Variants in MCC observed in about 807,000 individuals in gnomAD.
The protein encoded by MCC is MCC regulator of Wnt signaling pathway, also known as colorectal mutant cancer protein.
Under a neutral mutation model 116.2 loss-of-function variants are expected in MCC, and 90 were observed. The observed-to-expected ratio is 0.77, with a 90% CI of 0.65 to 0.92. The LOEUF (loss-of-function observed/expected upper bound fraction) is 0.92. Among genes scored for constraint, MCC ranks in the 40% least tolerant of loss-of-function variants. The pLI is 0.00. For missense variants in MCC, 1,516 were observed against 1,312.2 expected (o/e 1.16, Z -2.40); for synonymous variants, 578 against 510.5 (o/e 1.13, Z -1.78).
At chr5:113,336,750 G>A (rs893717179) in intron 3 of MCC, among the ~76,000 whole-genome samples, 3 of 152,258 alleles carry the variant, frequency 2.0e-5, no homozygotes, top group African/African-American at 2.4e-5. Context: ...TTGCTACTTC[G>A]ATAAAACCAT....
intron 8 of MCC, among the ~76,000 whole-genome samples, chr5:113,100,855 C>T (rs1167137270): frequency 6.6e-6 from 1 of 152,058 alleles, no homozygotes; most frequent in Non-Finnish European, 1.5e-5. Flanking sequence ...TCTAATATTG[C>T]CAAGACCAAG....
chr5:113,366,016 A>G (rs537956790), intron 2 of MCC, among the ~76,000 whole-genome samples: 2 of 152,328 alleles, frequency 1.3e-5, no homozygotes, highest in African/African-American at 4.8e-5. Context: ...TGATGGTGAC[A>G]TAGATCCAAA....
intron 3 of MCC, among the ~76,000 whole-genome samples, chr5:113,290,791 G>C (rs1258148566): frequency 6.6e-6 from 1 of 152,164 alleles, no homozygotes; most frequent in African/African-American, 2.4e-5. Context: ...ATGGGGGAGA[G>C]AGGTTGAATT....
At chr5:113,028,213 G>A (rs572371953) in intron 18 of MCC, among the ~76,000 whole-genome samples, 18 of 152,308 alleles carry the variant, frequency 1.2e-4, no homozygotes, top group African/African-American at 4.1e-4. Context: ...TATAGAGCTG[G>A]ATGATGCCAG....
chr5:113,177,112 T>C (rs755234228), intron 3 of MCC, among the ~76,000 whole-genome samples: 1 of 152,146 alleles, frequency 6.6e-6, no homozygotes, highest in Non-Finnish European at 1.5e-5. Context: ...CCACACCATC[T>C]TCAGGTGGCC....
intron 3 of MCC, among the ~76,000 whole-genome samples, chr5:113,185,067 C>G (rs1034759095): frequency 1.3e-5 from 2 of 152,198 alleles, no homozygotes; most frequent in African/African-American, 4.8e-5. Context: ...TGAACAACCA[C>G]ACCACGTTAG....
chr5:113,089,050 C>T (rs181795376), intron 8 of MCC, among the ~76,000 whole-genome samples: 13 of 152,296 alleles, frequency 8.5e-5, no homozygotes, highest in South Asian at 2.1e-4. Flanking sequence ...CTGACACTTG[C>T]GGGAACATCA....
At chr5:113,160,958 C>A (rs898786675) in intron 3 of MCC, among the ~76,000 whole-genome samples, 6 of 152,116 alleles carry the variant, frequency 3.9e-5, no homozygotes, top group African/African-American at 1.4e-4. Context: ...AAGGTTATTA[C>A]CTTCAACTGA....
intron 2 of MCC, among the ~76,000 whole-genome samples, chr5:113,356,864 C>G (rs1768427264): frequency 6.6e-6 from 1 of 152,198 alleles, no homozygotes; most frequent in South Asian, 2.1e-4. Context: ...CACTAAGGAC[C>G]AGATACTGTA....
chr5:113,105,072 G>C (rs1756651745), intron 6 of MCC, among the ~76,000 whole-genome samples: 1 of 152,226 alleles, frequency 6.6e-6, no homozygotes, highest in African/African-American at 2.4e-5. Flanking sequence ...TATCTTAGAA[G>C]ACAATTTTGT....
In MCC at chr5:113,110,852, G is replaced by T. The variant is rs538862898; in HGVS notation, c.1028-6497C>A. ...GTTAACTGTCAACATTTTAAAAATT[G>T]TTAAAATTTATGGCTATCCTTGTAA... On this transcript the variant is annotated intron_variant, in intron 6 of 18. Coordinates refer to ENST00000408903, the MANE Select transcript of MCC (RefSeq NM_001085377.2). 2.1e-4 allele frequency among the ~76,000 whole-genome samples: 32 copies of T among 152,246 alleles called. 1 individual carries two copies. Among genetic ancestry groups the T allele is most frequent in the Admixed American group, 2.6e-4 (4 of 15,290 alleles).
chr5:113,216,768 G>A (rs1259310552), intron 3 of MCC, among the ~76,000 whole-genome samples: 2 of 152,146 alleles, frequency 1.3e-5, no homozygotes, highest in African/African-American at 4.8e-5. Flanking sequence ...TAGAAACCCC[G>A]AATAGGGGAT....
chr5:113,237,513 G>A (rs955728067), intron 3 of MCC, among the ~76,000 whole-genome samples: 1 of 152,128 alleles, frequency 6.6e-6, no homozygotes, highest in African/African-American at 2.4e-5. Flanking sequence ...GTGCCTCTGG[G>A]ATTAGAAGGT....
chr5:113,272,334 A>T (rs1422690780), intron 3 of MCC, among the ~76,000 whole-genome samples: 1 of 152,194 alleles, frequency 6.6e-6, no homozygotes, highest in East Asian at 1.9e-4. Flanking sequence ...TGATTTTCAA[A>T]TACCACTCAT....
chr5:113,294,889 C>T lies in MCC; in HGVS notation c.627+45630G>A, dbSNP rs375480930. The T allele has an allele frequency of 1.2e-5, 12 of 985,390 alleles. No individual in the cohort carries two copies. The South Asian group carries it at 5.6e-4, about 46-fold the overall frequency. The allele number at this position is 985,390 out of a possible 1,614,324, so 61.0% of individuals were successfully genotyped here. On this transcript the variant is annotated intron_variant, in intron 3 of 18. Transcript: ENST00000408903. ...GAAAGAAAGCTAGAGGGAGCCGGAGCGGAGCTGCACTTCACGCCGAAGTTT... is the reference window on the plus strand; with the variant it reads ...GAAAGAAAGCTAGAGGGAGCCGGAGTGGAGCTGCACTTCACGCCGAAGTTT...
intron 1 of MCC, among the ~76,000 whole-genome samples, chr5:113,462,914 C>A (rs985378979): frequency 6.6e-6 from 1 of 152,088 alleles, no homozygotes; most frequent in Non-Finnish European, 1.5e-5. Flanking sequence ...AAGATATTAA[C>A]CAACAATTCC....
intron 1 of MCC, among the ~76,000 whole-genome samples, chr5:113,459,761 T>C: frequency 6.6e-6 from 1 of 151,008 alleles, no homozygotes; most frequent in East Asian, 1.9e-4. Context: ...GGCAGACAAA[T>C]GCTTCAAATA....
At chr5:113,276,099 G>C (rs1441749372) in intron 3 of MCC, among the ~76,000 whole-genome samples, 5 of 151,906 alleles carry the variant, frequency 3.3e-5, no homozygotes, top group Non-Finnish European at 7.4e-5. Context: ...GCCCCAAAGG[G>C]TAACCAGTGT....
intron 5 of MCC, among the ~76,000 whole-genome samples, chr5:113,140,832 T>TA (rs542521009): frequency 6.4e-4 from 98 of 152,340 alleles, no homozygotes; most frequent in South Asian, 6.2e-3. Flanking sequence ...CTAGGGCAGT[T>TA]AGAGTTCATC....
Sources: allele counts gnomAD v4.1 joint callset (sites outside exome capture counted in the v4.1 genomes callset), GRCh38; gene constraint gnomAD v4.1.1; transcripts MANE v1.5; gene names NCBI Gene and HGNC (gene_info 2026-07-23, HGNC 2026-07-21).